The following IL1RAP variants were observed in gnomAD, a reference collection of about 807,000 sequenced individuals.
IL1RAP encodes interleukin 1 receptor accessory protein, also known as interleukin-1 receptor accessory protein.
IL1RAP carries 35 observed loss-of-function variants against 60.7 expected under a neutral mutation model. The ratio of observed to expected loss-of-function variants is 0.58; its 90% CI spans 0.44 to 0.76. IL1RAP has a LOEUF of 0.76. Among genes scored for constraint, IL1RAP ranks in the 30% least tolerant of loss-of-function variants. The pLI, the probability that IL1RAP is intolerant of heterozygous loss-of-function variation, is 0.00. For missense variants in IL1RAP, 572 were observed against 693.9 expected, an observed-to-expected ratio of 0.82 and a Z score of 1.97; for synonymous variants, 268 against 250.9, an observed-to-expected ratio of 1.07 and a Z score of -0.64.
At chr3:190,571,016 G>A (rs1276104568) in intron 3 of IL1RAP, among the ~76,000 whole-genome samples, 1 of 152,098 alleles carries the variant, frequency 6.6e-6, no homozygotes, top group Admixed American at 6.5e-5. Context: ...GACCAATTTA[G>A]TCTATTTGCC....
chr3:190,642,908 C>A (rs34309987), intron 9 of IL1RAP, among the ~76,000 whole-genome samples: 5 of 152,146 alleles, frequency 3.3e-5, no homozygotes, highest in East Asian at 3.8e-4. Context: ...TACTGTTCCT[C>A]CTTCAAACAC....
chr3:190,630,198 TAA>T (rs1208004354), intron 9 of IL1RAP: 5 of 761,546 alleles, frequency 6.6e-6, no homozygotes, highest in Non-Finnish European at 8.0e-6. Context: ...TTAAATGGTA[TAA>T]ACATGATTTC....
chr3:190,526,084 C>T (rs1437914028), intron 1 of IL1RAP, among the ~76,000 whole-genome samples: 5 of 152,148 alleles, frequency 3.3e-5, no homozygotes, highest in East Asian at 1.9e-4. Context: ...TCATCTCTTC[C>T]GTGATGTGTT....
At chr3:190,537,900 T>A (rs1225799869) in intron 1 of IL1RAP, among the ~76,000 whole-genome samples, 1 of 152,172 alleles carries the variant, frequency 6.6e-6, no homozygotes, top group African/African-American at 2.4e-5. Context: ...TATTCTAGTC[T>A]TACTAGATTT....
At chr3:190,611,071 GTGT>G (rs1730782170) in intron 5 of IL1RAP, among the ~76,000 whole-genome samples, 1 of 152,130 alleles carries the variant, frequency 6.6e-6, no homozygotes, top group Non-Finnish European at 1.5e-5. Flanking sequence ...GGGTAATGAA[GTGT>G]TGTAGAGAAG....
At chr3:190,523,275 C>T (rs1354197100) in intron 1 of IL1RAP, among the ~76,000 whole-genome samples, 1 of 152,116 alleles carries the variant, frequency 6.6e-6, no homozygotes, top group Non-Finnish European at 1.5e-5. Context: ...CCTGATCTCC[C>T]TTACCCTACT....
At position 190,604,165 on chromosome 3, in the gene IL1RAP, A is replaced by G. The variant is rs1364737312; in HGVS notation, c.102A>G (p.Gln34=). The G allele has an allele frequency of 6.2e-7, 1 of 1,613,840 alleles. No individual in the cohort carries two copies. Among genetic ancestry groups the G allele is most frequent in the African/African-American group, 1.3e-5 (1 of 74,866 alleles). ...CDDWGLDTMR[Q]IQVFEDEPAR... is the part of the protein sequence containing the mutation. ...ACTGGGGACTAGACACCATGAGGCA[A>G]ATCCAAGTGTTTGAAGATGAGCCAG... The change falls in exon 4 of 12, where the codon CAA becomes CAG. Residue 34 remains glutamine, a synonymous_variant. Coordinates refer to ENST00000447382, the MANE Select transcript of IL1RAP (RefSeq NM_002182.4).
intron 1 of IL1RAP, among the ~76,000 whole-genome samples, chr3:190,522,411 G>T (rs56696585): frequency 9.9e-6 from 1 of 101,320 alleles, no homozygotes; most frequent in Admixed American, 9.9e-5. Flanking sequence ...ATCTATCTAT[G>T]TATCTATGTA....
chr3:190,623,304 G>A (rs1204726653), intron 6 of IL1RAP, 40 bp from the exon 7 acceptor site: 11 of 1,480,316 alleles, frequency 7.4e-6, no homozygotes, highest in Non-Finnish European at 1.0e-5. Context: ...AAGGCTGCCT[G>A]ATTTAACATC....
chr3:190,581,020 G>A (rs1254730490), intron 3 of IL1RAP, among the ~76,000 whole-genome samples: 1 of 152,096 alleles, frequency 6.6e-6, no homozygotes. Flanking sequence ...CAGCAGAAGA[G>A]GTCATTGTGA....
chr3:190,587,658 C>T (rs2108698966), intron 3 of IL1RAP, among the ~76,000 whole-genome samples: 1 of 152,322 alleles, frequency 6.6e-6, no homozygotes, highest in South Asian at 2.1e-4. Flanking sequence ...TTTGCTGTAG[C>T]ACAGAAGGAA....
At chr3:190,558,638 G>C (rs1288042210) in intron 2 of IL1RAP, among the ~76,000 whole-genome samples, 1 of 152,020 alleles carries the variant, frequency 6.6e-6, no homozygotes, top group Non-Finnish European at 1.5e-5. Flanking sequence ...GTTGTTTCTT[G>C]TATGATTCCT....
chr3:190,586,807 G>A (rs1728500806), intron 3 of IL1RAP, among the ~76,000 whole-genome samples: 1 of 149,300 alleles, frequency 6.7e-6, no homozygotes, highest in Non-Finnish European at 1.5e-5. Flanking sequence ...CATGAAGGTA[G>A]CTTCGGAGTC....
intron 3 of IL1RAP, among the ~76,000 whole-genome samples, chr3:190,580,808 C>A (rs1727932918): frequency 6.6e-6 from 1 of 152,076 alleles, no homozygotes; most frequent in Non-Finnish European, 1.5e-5. Flanking sequence ...GTTCTTATCA[C>A]TAAAATAATT....
chr3:190,570,664 C>T (rs1354767865), intron 3 of IL1RAP, among the ~76,000 whole-genome samples: 1 of 152,160 alleles, frequency 6.6e-6, no homozygotes, highest in African/African-American at 2.4e-5. Flanking sequence ...CTCCCAAGTT[C>T]AAGTGATTCT....
At chr3:190,597,903 G>C (rs1729520450) in intron 3 of IL1RAP, among the ~76,000 whole-genome samples, 1 of 152,002 alleles carries the variant, frequency 6.6e-6, no homozygotes, top group Admixed American at 6.6e-5. Flanking sequence ...TTATTGCCCA[G>C]GGCTATAAAG....
intron 9 of IL1RAP, among the ~76,000 whole-genome samples, chr3:190,640,983 G>T (rs182129603): frequency 8.8e-4 from 134 of 151,602 alleles, no homozygotes; most frequent in Admixed American, 2.6e-3. Context: ...TTATTTTTTT[G>T]AGACAGAGTT....
exon 12 of IL1RAP, chr3:190,656,906 T>C: frequency 4.1e-6 from 1 of 243,242 alleles, no homozygotes; most frequent in Non-Finnish European, 7.9e-6. Context: ...GAGCTAAGAA[T>C]TTAAATGTGT....
chr3:190,577,985 T>A (rs1321886458), intron 3 of IL1RAP, among the ~76,000 whole-genome samples: 1 of 152,200 alleles, frequency 6.6e-6, no homozygotes, highest in Non-Finnish European at 1.5e-5. Flanking sequence ...TCGGTGTTTC[T>A]GCAAAGGGAG....
Sources: gnomAD v4.1 joint callset for allele counts (sites outside exome capture counted in the v4.1 genomes callset) on GRCh38, gnomAD v4.1.1 for gene constraint, MANE v1.5 for transcripts, NCBI Gene and HGNC (gene_info 2026-07-23, HGNC 2026-07-21) for gene names.